The following EMSY variants were observed in gnomAD, a reference collection of about 807,000 sequenced individuals.
The protein encoded by EMSY is BRCA2-interacting transcriptional repressor EMSY.
EMSY carries 26 observed loss-of-function variants against 134.6 expected under a neutral mutation model. That is an observed-to-expected ratio of 0.19 (90% CI 0.14 to 0.27). The LOEUF (loss-of-function observed/expected upper bound fraction) is 0.27. Ranked by LOEUF, EMSY falls within the 10% of genes least tolerant of loss-of-function variation. The pLI is 1.00. For missense variants in EMSY, 1,305 were observed against 1,611.4 expected (o/e 0.81, Z 3.26); for synonymous variants, 579 against 577.8 (o/e 1.00, Z -0.03).
downstream of EMSY, chr11:76,551,954 T>A (rs1303945946): frequency 6.6e-6 from 1 of 152,164 alleles, no homozygotes; most frequent in East Asian, 1.9e-4. Context: ...AAGAGCAAAC[T>A]TGAATAAAGT....
At chr11:76,460,064 G>C in exon 6 of EMSY, 1 of 1,614,186 alleles carries the variant, frequency 6.2e-7, no homozygotes, top group Non-Finnish European at 8.5e-7. Context: ...CTTGCCAAGT[G>C]GAAGTACTGT....
chr11:76,528,622 G>A (rs1590983902), intron 14 of EMSY, among the ~76,000 whole-genome samples, 156 bp downstream of exon 15: 1 of 144,726 alleles, frequency 6.9e-6, no homozygotes, highest in Non-Finnish European at 1.5e-5. Context: ...ATGTTAAATC[G>A]GTGAGCTGAA....
intron 14 of EMSY, among the ~76,000 whole-genome samples, chr11:76,531,561 G>A (rs1461104886): frequency 6.6e-6 from 1 of 152,132 alleles, no homozygotes; most frequent in Non-Finnish European, 1.5e-5. Flanking sequence ...CATGATGTCA[G>A]TTTGTCCCAG....
chr11:76,488,810 T>C (rs1415411317), intron 8 of EMSY, among the ~76,000 whole-genome samples: 2 of 152,202 alleles, frequency 1.3e-5, no homozygotes, highest in Non-Finnish European at 2.9e-5. Context: ...CTCTTGGGGC[T>C]TTTTTCTTGG....
intron 1 of EMSY, among the ~76,000 whole-genome samples, chr11:76,446,319 G>GTATATATATATATGTATATATATA (rs1565262950): frequency 2.1e-4 from 24 of 114,342 alleles, no homozygotes; most frequent in African/African-American, 6.3e-4. Context: ...ATATGTGTGT[G>GTATATATATATATGTATATATATA]TGTGTATATA....
In EMSY at chr11:76,544,830, A is replaced by AT. The variant is rs1565368130; in HGVS notation, c.3273+8_3273+9insT. ...AAACAGACGGCAAGCCAGGTAACGGAATATTGATAGCATGCAAAGTTAAAC... is the reference window on the plus strand; with the variant it reads ...AAACAGACGGCAAGCCAGGTAACGGATATATTGATAGCATGCAAAGTTAAAC... On this transcript the variant is annotated intron_variant, in intron 19 of 20. Transcript: ENST00000334736. 6.8e-6 allele frequency: 11 copies of AT among 1,612,630 alleles called. No homozygotes were observed. Among genetic ancestry groups the AT allele is most frequent in the Non-Finnish European group, 9.3e-6 (11 of 1,178,748 alleles).
exon 7 of EMSY, chr11:76,463,883 T>C: frequency 1.2e-6 from 2 of 1,614,204 alleles, no homozygotes; most frequent in South Asian, 1.1e-5. Flanking sequence ...CTCTTCCAGC[T>C]CCTCTCCTGT....
chr11:76,482,021 C>A (rs1279773606), intron 8 of EMSY, among the ~76,000 whole-genome samples: 1 of 152,158 alleles, frequency 6.6e-6, no homozygotes, highest in African/African-American at 2.4e-5. Context: ...CTGGCAGGTG[C>A]CCCTCTGGGA....
chr11:76,493,351 C>T (rs1176916159), intron 8 of EMSY, among the ~76,000 whole-genome samples: 1 of 152,152 alleles, frequency 6.6e-6, no homozygotes, highest in Non-Finnish European at 1.5e-5. Context: ...AGCCTGGGCT[C>T]TGTGATTGAT....
chr11:76,446,899 G>T lies in EMSY; in HGVS notation c.-39-1G>T. Reference sequence around the variant, plus strand: ...TTGACTTTTTTTTTTTGTTCTGGTAGGGAGGACAAGCTCTTTGGGGCTACC... The same window carrying T: ...TTGACTTTTTTTTTTTGTTCTGGTATGGAGGACAAGCTCTTTGGGGCTACC... On this transcript the variant is annotated splice_acceptor_variant, in intron 1 of 20. Transcript: ENST00000334736. LOFTEE classifies it low-confidence loss of function (5UTR_SPLICE). 6.3e-7 allele frequency: 1 copy of T among 1,592,756 alleles called. No homozygotes were observed. The highest frequency in any genetic ancestry group is 1.8e-5 in the Admixed American group (1 of 56,924).
chr11:76,521,516 A>T (rs1950635336), intron 11 of EMSY, among the ~76,000 whole-genome samples: 1 of 152,146 alleles, frequency 6.6e-6, no homozygotes, highest in South Asian at 2.1e-4. Context: ...TAATTCCAAC[A>T]ATTTGGGAGG....
chr11:76,518,703 A>ATATATATATATATATATT (rs57143914), intron 11 of EMSY, among the ~76,000 whole-genome samples: 10 of 130,200 alleles, frequency 7.7e-5, no homozygotes, highest in Non-Finnish European at 1.1e-4. Flanking sequence ...ATATATATAT[A>ATATATATATATATATATT]TTTTTTTTTT....
At chr11:76,499,749 A>G (rs1198979805) in intron 9 of EMSY, among the ~76,000 whole-genome samples, 1 of 151,670 alleles carries the variant, frequency 6.6e-6, no homozygotes, top group Non-Finnish European at 1.5e-5. Context: ...TTAGGGTTTC[A>G]TGTTGACTTA....
intron 20 of EMSY, among the ~76,000 whole-genome samples, chr11:76,546,864 G>T (rs1056966628): frequency 6.6e-6 from 1 of 152,176 alleles, no homozygotes; most frequent in Non-Finnish European, 1.5e-5. Context: ...GACTAACCAT[G>T]AACTTTACTG....
intron 8 of EMSY, among the ~76,000 whole-genome samples, chr11:76,487,007 G>A (rs536489040): frequency 1.4e-4 from 22 of 152,352 alleles, no homozygotes; most frequent in African/African-American, 5.1e-4. Context: ...GCTGGGTGCA[G>A]TGGCTCACGC....
At chr11:76,513,133 A>G (rs576069000) in intron 9 of EMSY, among the ~76,000 whole-genome samples, 2 of 152,312 alleles carry the variant, frequency 1.3e-5, no homozygotes, top group South Asian at 2.1e-4. Context: ...GTATAACACA[A>G]TCATAGACAA....
chr11:76,504,420 A>C (rs1949995310), intron 9 of EMSY, among the ~76,000 whole-genome samples: 1 of 152,136 alleles, frequency 6.6e-6, no homozygotes, highest in African/African-American at 2.4e-5. Flanking sequence ...TACAAAAAGC[A>C]CATGAAAACA....
chr11:76,508,046 A>AT (rs1456624367), intron 9 of EMSY, among the ~76,000 whole-genome samples: 1 of 151,568 alleles, frequency 6.6e-6, no homozygotes, highest in Non-Finnish European at 1.5e-5. Context: ...TTTTAAAAAA[A>AT]TTTTTGTAGA....
intron 12 of EMSY, among the ~76,000 whole-genome samples, chr11:76,525,316 T>G (rs1218139736): frequency 1.3e-5 from 2 of 152,198 alleles, no homozygotes; most frequent in Non-Finnish European, 2.9e-5. Flanking sequence ...GCTTCATGTT[T>G]CCCTTAAGTA....
Sources: gnomAD v4.1 joint callset for allele counts (sites outside exome capture counted in the v4.1 genomes callset) on GRCh38, gnomAD v4.1.1 for gene constraint, MANE v1.5 for transcripts, NCBI Gene and HGNC (gene_info 2026-07-23, HGNC 2026-07-21) for gene names.